GRIA4: variants seen among roughly 807,000 people sequenced by gnomAD.
GRIA4 encodes glutamate ionotropic receptor AMPA type subunit 4, also known as glutamate receptor 4.
Under a neutral mutation model 104.0 loss-of-function variants are expected in GRIA4, and 34 were observed. That is an observed-to-expected ratio of 0.33 (90% CI 0.25 to 0.44). The LOEUF is 0.44. Ranked by LOEUF, GRIA4 falls within the 20% of genes least tolerant of loss-of-function variation. The probability of loss-of-function intolerance (pLI) is 1.00; values close to 1 mark genes in which losing one functional copy is unlikely to be tolerated. For synonymous variants in GRIA4, 386 were observed against 381.9 expected, an observed-to-expected ratio of 1.01 and a Z score of -0.13; for missense variants, 750 against 1,096.5, an observed-to-expected ratio of 0.68 and a Z score of 4.46.
At chr11:105,772,253 C>T (rs1591229732) in intron 4 of GRIA4, among the ~76,000 whole-genome samples, 1 of 152,120 alleles carries the variant, frequency 6.6e-6, no homozygotes, top group South Asian at 2.1e-4. Context: ...CCAACGTACC[C>T]GTGCCACTGG....
At chr11:105,688,055 T>A (rs1199975363) in intron 3 of GRIA4, among the ~76,000 whole-genome samples, 1 of 151,984 alleles carries the variant, frequency 6.6e-6, no homozygotes, top group Non-Finnish European at 1.5e-5. Context: ...AGAAACTAGG[T>A]AGTCCTCCTA....
chr11:105,780,957 A>T (rs1341140599), intron 4 of GRIA4, among the ~76,000 whole-genome samples: 1 of 152,104 alleles, frequency 6.6e-6, no homozygotes, highest in Non-Finnish European at 1.5e-5. Flanking sequence ...ACATATCACA[A>T]CTGGAGTCAT....
chr11:105,681,220 T>C (rs2135465633), intron 3 of GRIA4, among the ~76,000 whole-genome samples: 1 of 152,292 alleles, frequency 6.6e-6, no homozygotes, highest in East Asian at 1.9e-4. Context: ...GAGAAAACAA[T>C]AGTTTTGCAT....
chr11:105,864,093 A>C (rs1945323642), intron 5 of GRIA4, among the ~76,000 whole-genome samples: 1 of 152,202 alleles, frequency 6.6e-6, no homozygotes, highest in African/African-American at 2.4e-5. Flanking sequence ...AACTTTGTCC[A>C]TTTAAAATGC....
In GRIA4 at chr11:105,858,120, C is replaced by T. The variant is rs1945081947; in HGVS notation, c.488-3904C>T. Among the ~76,000 whole-genome samples, 3 of 152,048 alleles carry T rather than the reference C, an allele frequency of 2.0e-5. No homozygotes were observed. In the South Asian group the frequency reaches 6.2e-4, roughly 32 times the overall value. On this transcript the variant is annotated intron_variant, in intron 4 of 16. Coordinates refer to ENST00000282499, the MANE Select transcript of GRIA4 (RefSeq NM_000829.4). ...TATTTTATATGTAATTGACAGTGTT[C>T]TTTAGTAACTATGAAAAAGCCCTTA...
chr11:105,770,148 G>T (rs765463154), intron 4 of GRIA4, among the ~76,000 whole-genome samples: 2 of 152,004 alleles, frequency 1.3e-5, no homozygotes, highest in African/African-American at 4.8e-5. Context: ...CAACTTTATA[G>T]TCCCCCTAAC....
chr11:105,930,417 T>C (rs1436248851), intron 13 of GRIA4, among the ~76,000 whole-genome samples: 4 of 152,098 alleles, frequency 2.6e-5, no homozygotes, highest in Admixed American at 1.3e-4. Flanking sequence ...TAAACCCTCT[T>C]ATATTTAGCA....
At chr11:105,630,991 T>G (rs1394391996) in intron 3 of GRIA4, among the ~76,000 whole-genome samples, 3 of 152,214 alleles carry the variant, frequency 2.0e-5, no homozygotes, top group Non-Finnish European at 2.9e-5. Context: ...TCACAGCTCT[T>G]TATTTAAAAT....
chr11:105,913,148 T>C, intron 10 of GRIA4: 2 of 506,256 alleles, frequency 4.0e-6, no homozygotes, highest in Non-Finnish European at 5.1e-6. Flanking sequence ...TGCTATGTGC[T>C]AGGCACAGTT....
intron 3 of GRIA4, among the ~76,000 whole-genome samples, chr11:105,688,108 C>G (rs1278954462): frequency 1.4e-5 from 1 of 72,136 alleles, no homozygotes; most frequent in Non-Finnish European, 3.1e-5. Context: ...TGTCTCATAT[C>G]TATATCTATA....
chr11:105,715,337 A>G (rs1166313758), intron 3 of GRIA4, among the ~76,000 whole-genome samples: 1 of 152,138 alleles, frequency 6.6e-6, no homozygotes, highest in East Asian at 1.9e-4. Context: ...CATCTTTTAG[A>G]ATTTAGTACT....
At chr11:105,806,596 G>GAC (rs1319979489) in intron 4 of GRIA4, among the ~76,000 whole-genome samples, 2 of 151,826 alleles carry the variant, frequency 1.3e-5, no homozygotes, top group Non-Finnish European at 2.9e-5. Flanking sequence ...CAGACTTGCA[G>GAC]ACACAAAACA....
At chr11:105,726,952 A>G (rs1382704933) in intron 3 of GRIA4, among the ~76,000 whole-genome samples, 7 of 152,156 alleles carry the variant, frequency 4.6e-5, no homozygotes. Context: ...AAGGCTTAAA[A>G]TGCCAAAAAC....
In GRIA4 at chr11:105,611,049, C is replaced by T; in HGVS notation, c.52C>T (p.Leu18Phe). ...CTTGTTATTTTCTGGATTTTGGGGACTCGCCATGGGAGCCTTTCCGAGCAG... is the reference window on the plus strand; with the variant it reads ...CTTGTTATTTTCTGGATTTTGGGGATTCGCCATGGGAGCCTTTCCGAGCAG... ...IVLLFSGFWGLAMGAFPSSVQ... is the reference protein window; with the variant it reads ...IVLLFSGFWGFAMGAFPSSVQ... The change falls in exon 2 of 17, where the codon CTC (leucine) becomes TTC (phenylalanine). Residue 18 changes from leucine to phenylalanine, a missense_variant. By Grantham distance (22) the Leu-to-Phe change is conservative. Around this residue, in one of 3 missense-constraint regions of GRIA4, gnomAD observed 410 missense variants for 502.7 expected, o/e 0.82. Transcript: ENST00000282499. The T allele has an allele frequency of 6.2e-7, 1 of 1,613,666 alleles. No homozygotes were observed. Among genetic ancestry groups the T allele is most frequent in the Non-Finnish European group, 8.5e-7 (1 of 1,179,740 alleles).
At chr11:105,972,497 C>A (rs1004895501) in intron 15 of GRIA4, among the ~76,000 whole-genome samples, 1 of 151,984 alleles carries the variant, frequency 6.6e-6, no homozygotes, top group African/African-American at 2.4e-5. Context: ...CCAAGCATTC[C>A]ACTTTAGTTT....
chr11:105,652,656 C>G (rs897544109), intron 3 of GRIA4, among the ~76,000 whole-genome samples: 1 of 152,100 alleles, frequency 6.6e-6, no homozygotes. Flanking sequence ...TTTTTTATGA[C>G]AATATTTTAT....
intron 4 of GRIA4, among the ~76,000 whole-genome samples, chr11:105,801,728 T>G (rs1942728917): frequency 6.6e-6 from 1 of 152,098 alleles, no homozygotes; most frequent in African/African-American, 2.4e-5. Context: ...GTAGAGAAGC[T>G]GAATTTGACT....
intron 4 of GRIA4, among the ~76,000 whole-genome samples, chr11:105,814,107 G>A (rs1000714645): frequency 1.3e-5 from 2 of 152,182 alleles, no homozygotes; most frequent in Non-Finnish European, 2.9e-5. Flanking sequence ...AGCAAGGAAG[G>A]AGGGGTGTGA....
chr11:105,826,482 T>C (rs1943775090), intron 4 of GRIA4, among the ~76,000 whole-genome samples: 2 of 152,010 alleles, frequency 1.3e-5, no homozygotes, highest in African/African-American at 4.8e-5. Flanking sequence ...CAATATTCAC[T>C]GCAAAAATAT....
Sources: gnomAD v4.1 joint callset for allele counts (sites outside exome capture counted in the v4.1 genomes callset) on GRCh38, gnomAD v4.1.1 for gene constraint, gnomAD v4.1.1 regional missense constraint, MANE v1.5 for transcripts, NCBI Gene and HGNC (gene_info 2026-07-23, HGNC 2026-07-21) for gene names.